The following PKD1 variants were observed in gnomAD, a reference collection of about 807,000 sequenced individuals.
The protein encoded by PKD1 is polycystin-1.
Under a neutral mutation model 361.7 loss-of-function variants are expected in PKD1, and 81 were observed. The ratio of observed to expected loss-of-function variants is 0.22; its 90% CI spans 0.19 to 0.27. The LOEUF (loss-of-function observed/expected upper bound fraction) is 0.27, where lower values mean the gene tolerates loss of function less well. Ranked by LOEUF, PKD1 falls within the 10% of genes least tolerant of loss-of-function variation. PKD1 has a pLI of 1.00. For synonymous variants in PKD1, 3,615 were observed against 2,818.3 expected, an observed-to-expected ratio of 1.28 and a Z score of -8.95; for missense variants, 6,399 against 6,118.3, an observed-to-expected ratio of 1.05 and a Z score of -1.53.
intron 37 of PKD1, 144 bp downstream of exon 37, chr16:2,093,400 A>C: frequency 1.2e-6 from 1 of 824,628 alleles, no homozygotes; most frequent in South Asian, 1.7e-5. Context: ...GGTAGGAGGG[A>C]GACCGGGCAA....
At position 2,093,839 on chromosome 16, in the gene PKD1, G is replaced by A; in HGVS notation, c.10793C>T (p.Ala3598Val). The A allele has an allele frequency of 6.4e-7, 1 of 1,562,884 alleles. No individual in the cohort carries two copies. Among genetic ancestry groups the A allele is most frequent in the Non-Finnish European group, 8.6e-7 (1 of 1,159,748 alleles). Residue 3598 changes from alanine (A) to valine (V), a missense_variant, in exon 36 of 46, where the codon GCC (alanine) becomes GTC (valine). Coordinates refer to ENST00000262304, the MANE Select transcript of PKD1 (RefSeq NM_001009944.3). ...CAGTGGCTCCCAGCCGAGGAATGAG[G>A]CCAGGAAGCTGGCGCTGCTGGACAG... ...WLLSSSASFL[A>V]SFLGWEPLKV...
At position 2,091,777 on chromosome 16, in the gene PKD1, C is replaced by G; in HGVS notation, c.11537+4G>C. Reference sequence around the variant, plus strand: ...CCGGAGAGGGCAGGGGAGGGAGCTCCCACCTGTTGTCCAGCCAGTTGTGCA... The same window carrying G: ...CCGGAGAGGGCAGGGGAGGGAGCTCGCACCTGTTGTCCAGCCAGTTGTGCA... On this transcript the variant is annotated splice_donor_region_variant and intron_variant, in intron 41 of 45. Transcript: ENST00000262304. 1 of 1,610,350 alleles carries G rather than the reference C, an allele frequency of 6.2e-7. No individual in the cohort carries two copies. Among genetic ancestry groups the G allele is most frequent in the Non-Finnish European group, 8.5e-7 (1 of 1,179,380 alleles).
intron 3 of PKD1, 39 bp downstream of exon 3, chr16:2,119,075 G>C (rs763938112): frequency 9.3e-7 from 1 of 1,076,746 alleles, no homozygotes; most frequent in Non-Finnish European, 1.4e-6. Context: ...TGGGGGCCTG[G>C]GGTCCAGCCA....
rs374174553 is a variant in PKD1 at position 2,090,602 on chromosome 16, G to A, written c.12139-12C>T. ...CAGGAAGACACGAGCTGCGGGGAAG[G>A]CGACACCAGTGAGGGCGTACAGCTG... On this transcript the variant is annotated splice_polypyrimidine_tract_variant and intron_variant, in intron 44 of 45. Transcript: ENST00000262304. 1.9e-4 allele frequency: 308 copies of A among 1,608,482 alleles called. 2 individuals carry two copies. Among genetic ancestry groups the A allele is most frequent in the South Asian group, 1.4e-3 (127 of 91,046 alleles).
intron 30 of PKD1, chr16:2,098,944 C>T (rs1490743113): frequency 6.3e-6 from 1 of 157,740 alleles, no homozygotes; most frequent in African/African-American, 2.6e-5. Context: ...CATTCTCCTG[C>T]CTCAGCCTCT....
At position 2,106,552 on chromosome 16, in the gene PKD1, G is replaced by A. The variant is rs555853583; in HGVS notation, c.7335C>T (p.Thr2445=). The change falls in exon 18 of 46, where the codon ACC becomes ACT. Residue 2445 remains threonine, a synonymous_variant. Transcript: ENST00000262304. The surrounding 1 kb of genome is among the most constrained non-coding windows in gnomAD (Gnocchi z 6.5). ...RGVLRDGEGY[T]FTLTVLGRSG... is the part of the protein sequence containing the mutation. ...AGCGGCCCAGCACCGTGAGCGTGAAGGTGTATCCCTCGCCGTCCCGCAGCA... is the reference window on the plus strand; with the variant it reads ...AGCGGCCCAGCACCGTGAGCGTGAAAGTGTATCCCTCGCCGTCCCGCAGCA... The A allele has an allele frequency of 4.5e-5, 72 of 1,596,810 alleles. 3 individuals are homozygous for A. In the South Asian group the frequency reaches 7.0e-4, roughly 16 times the overall value.
At chr16:2,116,254 C>T (rs144901786) in intron 8 of PKD1, 136 bp from the exon 9 acceptor site, 23,166 of 945,724 alleles carry the variant, frequency 0.024, 341 homozygotes, top group Non-Finnish European at 0.033. Flanking sequence ...TGGCTCCTGT[C>T]GCTCGAGAGG....
Position 2,117,896 on chromosome 16 carries a change from A to G in PKD1, c.1096T>C (p.Ser366Pro), listed in dbSNP as rs2092666416. Residue 366 changes from serine (S) to proline (P), a missense_variant, in exon 5 of 46, where the codon TCG becomes CCG. Physicochemically the swap from Ser to Pro is moderately conservative, Grantham distance 74. Coordinates refer to ENST00000262304, the MANE Select transcript of PKD1 (RefSeq NM_001009944.3). ...PAALELVCPS[S>P]VQSDESLDLS... ...TCGAGGCTCTCGTCACTCTGCACCGAGGACGGGCACACGAGCTCCAGGGCG... is the reference window on the plus strand; with the variant it reads ...TCGAGGCTCTCGTCACTCTGCACCGGGGACGGGCACACGAGCTCCAGGGCG... 1.7e-6 allele frequency: 2 copies of G among 1,180,404 alleles called. No individual in the cohort carries two copies. Among genetic ancestry groups the G allele is most frequent in the Non-Finnish European group, 2.4e-6 (2 of 823,696 alleles). The allele number at this position is 1,180,404 out of a possible 1,614,324, so 73.1% of individuals were successfully genotyped here.
chr16:2,101,552 A>T (rs2092097405), intron 26 of PKD1, among the ~76,000 whole-genome samples: 1 of 152,222 alleles, frequency 6.6e-6, no homozygotes, highest in Non-Finnish European at 1.5e-5. Context: ...CGGGAGCTGG[A>T]AGTTGCTGTG....
intron 30 of PKD1, among the ~76,000 whole-genome samples, chr16:2,098,358 G>GCA (rs2091938003): frequency 6.6e-6 from 1 of 152,066 alleles, no homozygotes. Flanking sequence ...ACAGGTGCCT[G>GCA]CCACCATGCC....
chr16:2,105,297 G>T (rs767278030), intron 21 of PKD1, 25 bp downstream of exon 21: 4 of 1,592,946 alleles, frequency 2.5e-6, no homozygotes, highest in Non-Finnish European at 3.4e-6. Flanking sequence ...ATGCGGGGCA[G>T]GGTGAGCAGG....
Position 2,115,450 on chromosome 16 carries a change from T to C in PKD1, c.2025A>G (p.Leu675=), listed in dbSNP as rs762552324. 2 of 1,599,102 alleles carry C rather than the reference T, an allele frequency of 1.3e-6. No individual in the cohort carries two copies. The highest frequency in any genetic ancestry group is 1.7e-6 in the Non-Finnish European group (2 of 1,174,554). The change falls in exon 10 of 46, where the codon CTA becomes CTG. Residue 675 remains leucine (L), a synonymous_variant. Transcript: ENST00000262304. ...CANGCTSGPG[L]PGAPYALWRE... ...TCCATAGCGCATAGGGGGCCCCGGGTAGCCCTGGCCCTGACGTGCAGCCAT... is the reference window on the plus strand; with the variant it reads ...TCCATAGCGCATAGGGGGCCCCGGGCAGCCCTGGCCCTGACGTGCAGCCAT...
Position 2,108,633 on chromosome 16 carries a change from G to A in PKD1, c.6534C>T (p.Cys2178=), listed in dbSNP as rs1054011070. 27 of 1,560,172 alleles carry A rather than the reference G, an allele frequency of 1.7e-5. No homozygotes were observed. The highest frequency in any genetic ancestry group is 7.0e-5 in the South Asian group (6 of 85,214). ...YLEAHVDLRD[C]VTYQTEYRWE... Reference sequence around the variant, plus strand: ...AGCGGTACTCAGTCTGGTAGGTGACGCAGTCGCGCAGGTCAACGTGGGCCT... The same window carrying A: ...AGCGGTACTCAGTCTGGTAGGTGACACAGTCGCGCAGGTCAACGTGGGCCT... The change falls in exon 15 of 46, where the codon TGC becomes TGT. Residue 2178 remains cysteine, a synonymous_variant. Coordinates refer to ENST00000262304, the MANE Select transcript of PKD1 (RefSeq NM_001009944.3).
rs769990251 is a variant in PKD1, at chr16:2,108,850, T to C, written c.6317A>G (p.Asp2106Gly). ...GTAGGAGTGCTCGGCCCTGGGCTCATCTGTGTCCTGCCCTGGCGACCCATC... is the reference window on the plus strand; with the variant it reads ...GTAGGAGTGCTCGGCCCTGGGCTCACCTGTGTCCTGCCCTGGCGACCCATC... The part of the protein sequence containing the change: ...FGDGSPGQDT[D>G]EPRAEHSYLR... Residue 2106 changes from aspartate (D) to glycine (G), a missense_variant, in exon 15 of 46, where the codon GAT becomes GGT. Coordinates refer to ENST00000262304, the MANE Select transcript of PKD1 (RefSeq NM_001009944.3). The C allele has an allele frequency of 1.3e-6, 2 of 1,574,076 alleles. No individual in the cohort carries two copies. Among genetic ancestry groups the C allele is most frequent in the Non-Finnish European group, 1.7e-6 (2 of 1,160,922 alleles).
chr16:2,089,408 A>C lies in PKD1; in HGVS notation c.*319T>G. ...AAGCCAGCAGCCTTAGCAGTGGGGG[A>C]CATCTGCCCAGGGGGTGGGGCCGGG... On this transcript the variant is annotated 3_prime_UTR_variant, in exon 46 of 46. Transcript: ENST00000262304. 1 of 444,432 alleles carries C rather than the reference A, an allele frequency of 2.3e-6. No individual in the cohort carries two copies. The highest frequency in any genetic ancestry group is 4.1e-6 in the Non-Finnish European group (1 of 243,846). The allele number at this position is 444,432 out of a possible 1,614,324, so 27.5% of individuals were successfully genotyped here. A position where few individuals can be genotyped will look rare whatever the true frequency, so the allele number is the denominator to read the frequency against.
intron 34 of PKD1, among the ~76,000 whole-genome samples, chr16:2,096,456 A>G (rs2091852099): frequency 6.6e-6 from 1 of 152,254 alleles, no homozygotes; most frequent in Non-Finnish European, 1.5e-5. Flanking sequence ...GCGTGACTAC[A>G]TACAAGGTAA....
chr16:2,122,749 T>C (rs1567222710), intron 1 of PKD1, among the ~76,000 whole-genome samples: 1 of 151,870 alleles, frequency 6.6e-6, no homozygotes, highest in Non-Finnish European at 1.5e-5. Context: ...TAGGGAGAAA[T>C]GAGGCACCGG....
At chr16:2,112,565 C>T in intron 13 of PKD1, 92 bp from the exon 14 acceptor site, 1 of 1,215,178 alleles carries the variant, frequency 8.2e-7, no homozygotes, top group African/African-American at 1.5e-5. Flanking sequence ...AGGCTCCACT[C>T]TGCAGTCACG....
rs2092629735 is a variant in PKD1, at chr16:2,116,070, T to C, written c.1771A>G (p.Thr591Ala). ...AGCTCCTGGGTCCCAAATTCGGCCG[T>C]GGTGAGGAAGGCTTCACGGCTCAGA... ...LRLSREAFLT[T>A]AEFGTQELRR... Residue 591 changes from threonine to alanine, a missense_variant, in exon 9 of 46, where the codon ACG (threonine) becomes GCG (alanine). Transcript: ENST00000262304. The C allele has an allele frequency of 1.3e-6, 2 of 1,495,042 alleles. No individual in the cohort carries two copies. Among genetic ancestry groups the C allele is most frequent in the African/African-American group, 1.4e-5 (1 of 72,050 alleles). 92.6% of individuals were successfully genotyped at this position (1,495,042 alleles called of 1,614,324 possible).
Sources: gnomAD v4.1 joint callset for allele counts (sites outside exome capture counted in the v4.1 genomes callset) on GRCh38, gnomAD v4.1.1 for gene constraint, Gnocchi (gnomAD v3.1) non-coding constraint, MANE v1.5 for transcripts, NCBI Gene and HGNC (gene_info 2026-07-23, HGNC 2026-07-21) for gene names.